The following RPUSD1 variants were observed in gnomAD, a reference collection of about 807,000 sequenced individuals.
RPUSD1 encodes the protein RNA pseudouridine synthase domain containing 1, also known as pseudouridylate synthase RPUSD1.
Under a neutral mutation model 22.4 loss-of-function variants are expected in RPUSD1, and 28 were observed. That is an observed-to-expected ratio of 1.25 (90% CI 0.93 to 1.72). The LOEUF (loss-of-function observed/expected upper bound fraction) is 1.72. Ranked by LOEUF, RPUSD1 falls within the 40% of genes most tolerant of loss-of-function variation. RPUSD1 has a pLI of 0.00. For synonymous variants in RPUSD1, 298 were observed against 201.0 expected (o/e 1.48, Z -4.08); for missense variants, 596 against 442.2 (o/e 1.35, Z -3.12).
At chr16:786,697 G>T in intron 5 of RPUSD1, 130 bp downstream of exon 5, 1 of 826,872 alleles carries the variant, frequency 1.2e-6, no homozygotes, top group Non-Finnish European at 2.1e-6. Flanking sequence ...GCAGGGCGTG[G>T]AGTTAAGAAC....
rs778064520 is a variant in RPUSD1 at position 786,734 on chromosome 16, C to A, written c.511+93G>T. ...CAGGAGTGCTTGTTGCCAGCTCTGC[C>A]CTGATGCTCAGGGTGGCCCAACATA... On this transcript the variant is annotated intron_variant, in intron 5 of 5. Coordinates refer to ENST00000007264, the MANE Select transcript of RPUSD1 (RefSeq NM_058192.3). 15 of 1,037,228 alleles carry A rather than the reference C, an allele frequency of 1.4e-5. No homozygotes were observed. In the South Asian group the frequency reaches 1.6e-4, roughly 11 times the overall value. 64.3% of individuals were successfully genotyped at this position (1,037,228 alleles called of 1,614,324 possible). A position where few individuals can be genotyped will look rare whatever the true frequency, so the allele number is the denominator to read the frequency against.
chr16:786,840 C>G lies in RPUSD1; in HGVS notation c.498G>C (p.Leu166=), dbSNP rs748409539. The G allele has an allele frequency of 3.2e-5, 51 of 1,612,914 alleles. No individual in the cohort carries two copies. Among genetic ancestry groups the G allele is most frequent in the Non-Finnish European group, 4.2e-5 (50 of 1,179,810 alleles). Reference sequence around the variant, plus strand: ...CCCCAGACACACCCGTGAGCGGCTTCAGCAGCACTTTGGAGACAGGATCGC... The same window carrying G: ...CCCCAGACACACCCGTGAGCGGCTTGAGCAGCACTTTGGAGACAGGATCGC... ...YAGDPVSKVL[L]KPLTGRTHQL... Residue 166 remains leucine (L), a synonymous_variant, in exon 5 of 6, where the codon CTG becomes CTC. Transcript: ENST00000007264.
At chr16:787,902 C>T in intron 1 of RPUSD1, 158 bp from the exon 2 acceptor site, 1 of 689,670 alleles carries the variant, frequency 1.4e-6, no homozygotes, top group Non-Finnish European at 2.4e-6. Flanking sequence ...TCCCCGAGAT[C>T]AGTCCCCAGG....
chr16:787,883 C>T, intron 1 of RPUSD1, 139 bp from the exon 2 acceptor site: 4 of 761,374 alleles, frequency 5.3e-6, no homozygotes, highest in East Asian at 2.7e-5. Context: ...TGTGCACCTG[C>T]ATCCTCAGTC....
chr16:787,173 C>A lies in RPUSD1; in HGVS notation c.313G>T (p.Gly105Trp). ...GTTACCCGGCTCTCCTGGATGTGCC[C>A]CCGCAGCTGCAGGAGAGGGAGAATC... ...VTKAYLALLR[G>W]HIQESRVTIS... The change falls in exon 4 of 6, where the codon GGG (glycine) becomes TGG (tryptophan). Residue 105 changes from glycine to tryptophan, a missense_variant. Physicochemically the swap from Gly to Trp is radical, Grantham distance 184. Transcript: ENST00000007264. 2 of 1,603,462 alleles carry A rather than the reference C, an allele frequency of 1.2e-6. No homozygotes were observed. The highest frequency in any genetic ancestry group is 2.2e-5 in the East Asian group (1 of 44,574).
rs55658005 is a variant in RPUSD1 at position 786,199 on chromosome 16, G to A, written c.690C>T (p.Phe230=). 4,251 of 1,612,716 alleles carry A rather than the reference G, an allele frequency of 2.6e-3. 54 individuals carry two copies. In the African/African-American group the frequency reaches 0.035, roughly 13 times the overall value. Residue 230 remains phenylalanine (F), a synonymous_variant, in exon 6 of 6, where the codon TTC becomes TTT. Coordinates refer to ENST00000007264, the MANE Select transcript of RPUSD1 (RefSeq NM_058192.3). ...TCCAGCAGGCATCCAGGGAGGGCAGGAAGGGGTCAGGCGTGCAGACCTCCA... is the reference window on the plus strand; with the variant it reads ...TCCAGCAGGCATCCAGGGAGGGCAGAAAGGGGTCAGGCGTGCAGACCTCCA... ...ECVEVCTPDP[F]LPSLDACWSP... is the part of the protein sequence containing the mutation.
rs1482175070 is a variant in RPUSD1 at position 786,851 on chromosome 16, T to C, written c.487A>G (p.Lys163Glu). 5 of 1,613,172 alleles carry C rather than the reference T, an allele frequency of 3.1e-6. No individual in the cohort carries two copies. The highest frequency in any genetic ancestry group is 4.2e-6 in the Non-Finnish European group (5 of 1,179,946). Reference protein sequence around the residue: ...HGLYAGDPVSKVLLKPLTGRT... With the variant: ...HGLYAGDPVSEVLLKPLTGRT... ...CCCGTGAGCGGCTTCAGCAGCACTTTGGAGACAGGATCGCCTGCGTACAGC... is the reference window on the plus strand; with the variant it reads ...CCCGTGAGCGGCTTCAGCAGCACTTCGGAGACAGGATCGCCTGCGTACAGC... The change falls in exon 5 of 6, where the codon AAA becomes GAA. Residue 163 changes from lysine to glutamate, a missense_variant. Transcript: ENST00000007264.
chr16:786,728 C>G, intron 5 of RPUSD1, 99 bp downstream of exon 5: 1 of 989,554 alleles, frequency 1.0e-6, no homozygotes, highest in African/African-American at 1.6e-5. Context: ...TTGTTGCCAG[C>G]TCTGCCCTGA....
At chr16:786,965 T>G in intron 4 of RPUSD1, 37 bp from the exon 5 acceptor site, 1 of 1,602,066 alleles carries the variant, frequency 6.2e-7, no homozygotes, top group Non-Finnish European at 8.5e-7. Context: ...TTAGTGGGAC[T>G]GACCCGGGGC....
Position 786,157 on chromosome 16 carries a change from C to T in RPUSD1, c.732G>A (p.Leu244=). ...LDACWSPHTL[L]QSLDQLVQAL... is the part of the protein sequence containing the mutation. ...CCTGCACGAGCTGGTCCAGCGACTG[C>T]AGCAGTGTGTGGGGGCTCCAGCAGG... The change falls in exon 6 of 6, where the codon CTG becomes CTA. Residue 244 remains leucine (L), a synonymous_variant. Coordinates refer to ENST00000007264, the MANE Select transcript of RPUSD1 (RefSeq NM_058192.3). 3.7e-6 allele frequency: 6 copies of T among 1,611,892 alleles called. No individual in the cohort carries two copies. The highest frequency in any genetic ancestry group is 5.1e-6 in the Non-Finnish European group (6 of 1,179,346).
At chr16:787,032 AC>A (rs1331784945) in intron 4 of RPUSD1, 44 bp downstream of exon 4, 2 of 1,590,602 alleles carry the variant, frequency 1.3e-6, no homozygotes, top group South Asian at 2.2e-5. Flanking sequence ...GCCCAGGCCC[AC>A]CCCAACCCAC....
Position 786,070 on chromosome 16 carries a change from G to A in RPUSD1, c.819C>T (p.Ser273=), listed in dbSNP as rs201534523. 2.4e-5 allele frequency: 38 copies of A among 1,557,230 alleles called. No individual in the cohort carries two copies. Among genetic ancestry groups the A allele is most frequent in the East Asian group, 2.3e-4 (10 of 44,136 alleles). ...GCCGGCCGGGCCCAGGCAGGAGTGC[G>A]GAGGGGCTGCCTGGCCTGGGGCCCC... ...EDRGPRPGSP[S]ALLPGPGRPP... The change falls in exon 6 of 6, where the codon TCC becomes TCT. Residue 273 remains serine (S), a synonymous_variant. Transcript: ENST00000007264.
In RPUSD1 at chr16:785,722, C is replaced by G. The variant is rs1029650165; in HGVS notation, c.*228G>C. ...GTGGGCAGGAAGGCCCTCGGGATCC[C>G]GCATCAGTCCCACGGCCGCGGTGCG... On this transcript the variant is annotated 3_prime_UTR_variant, in exon 6 of 6. Coordinates refer to ENST00000007264, the MANE Select transcript of RPUSD1 (RefSeq NM_058192.3). 2.9e-5 allele frequency: 12 copies of G among 411,496 alleles called. No individual in the cohort carries two copies. Among genetic ancestry groups the G allele is most frequent in the African/African-American group, 2.5e-4 (12 of 48,550 alleles). The allele number at this position is 411,496 out of a possible 1,614,324, so 25.5% of individuals were successfully genotyped here.
At chr16:787,787 G>A (rs532541441) in intron 1 of RPUSD1, 43 bp from the exon 2 acceptor site, 9 of 1,584,610 alleles carry the variant, frequency 5.7e-6, no homozygotes, top group East Asian at 2.2e-5. Context: ...AGCACGTGGT[G>A]CGCCCCCAGC....
Position 786,381 on chromosome 16 carries a change from C to G in RPUSD1, c.512-4G>C. 1 of 1,600,838 alleles carries G rather than the reference C, an allele frequency of 6.2e-7. No homozygotes were observed. The highest frequency in any genetic ancestry group is 1.1e-5 in the South Asian group (1 of 90,560). The stretch of plus-strand genomic sequence containing the variant: ...ACGCGCAGCTGGTGTGTCCGGCCTG[C>G]GGGATGAGGGCGGTGCCGGATCAAG... On this transcript the variant is annotated splice_region_variant and splice_polypyrimidine_tract_variant and intron_variant, in intron 5 of 5. Transcript: ENST00000007264.
chr16:786,579 A>G, intron 5 of RPUSD1: 2 of 749,424 alleles, frequency 2.7e-6, no homozygotes, highest in Non-Finnish European at 4.6e-6. Flanking sequence ...ACTGGTGAGG[A>G]CAGGGCCAGG....
At chr16:788,043 G>C (rs1308503370) in intron 1 of RPUSD1, 1 of 529,538 alleles carries the variant, frequency 1.9e-6, no homozygotes, top group Non-Finnish European at 3.4e-6. Context: ...TCCCCTCCAG[G>C]GGATGCACGT....
chr16:787,892 T>G, intron 1 of RPUSD1, 148 bp from the exon 2 acceptor site: 1 of 715,042 alleles, frequency 1.4e-6, no homozygotes, highest in Non-Finnish European at 2.3e-6. Context: ...GCATCCTCAG[T>G]CCCCGAGATC....
Position 787,466 on chromosome 16 carries a change from T to C in RPUSD1, c.194A>G (p.Gln65Arg). 2 of 1,586,794 alleles carry C rather than the reference T, an allele frequency of 1.3e-6. No individual in the cohort carries two copies. Among genetic ancestry groups the C allele is most frequent in the East Asian group, 4.7e-5 (2 of 43,002 alleles). ...DTCYGFRFCH[Q>R]LDFSTSGALC... ...CGCCCCGCTGGTGGAGAAATCCAGC[T>C]GGTGGCAGAACCTGGAGTGGGACAG... Residue 65 changes from glutamine to arginine, a missense_variant, in exon 3 of 6, where the codon CAG becomes CGG. Coordinates refer to ENST00000007264, the MANE Select transcript of RPUSD1 (RefSeq NM_058192.3).
Sources: gnomAD v4.1 joint callset for allele counts on GRCh38, gnomAD v4.1.1 for gene constraint, MANE v1.5 for transcripts, NCBI Gene and HGNC (gene_info 2026-07-23, HGNC 2026-07-21) for gene names.